GOLGA7: variants seen among roughly 807,000 people sequenced by gnomAD.
The protein encoded by GOLGA7 is golgin subfamily A member 7.
A neutral mutation model predicts 21.1 loss-of-function variants in GOLGA7; 10 were observed. The ratio of observed to expected loss-of-function variants is 0.47; its 90% CI spans 0.29 to 0.80. GOLGA7 has a LOEUF of 0.80. Ranked by LOEUF, GOLGA7 falls within the 30% of genes least tolerant of loss-of-function variation. The pLI is 0.08. For missense variants in GOLGA7, 114 were observed against 166.8 expected (o/e 0.68, Z 1.74); for synonymous variants, 64 against 62.6 (o/e 1.02, Z -0.10).
intron 4 of GOLGA7, among the ~76,000 whole-genome samples, chr8:41,508,581 A>G (rs942450469): frequency 1.3e-5 from 2 of 152,174 alleles, no homozygotes; most frequent in African/African-American, 4.8e-5. Flanking sequence ...AGCTGCGATG[A>G]CTTGGCACAG....
intron 1 of GOLGA7, among the ~76,000 whole-genome samples, chr8:41,492,245 G>A (rs991430549): frequency 6.6e-6 from 1 of 152,220 alleles, no homozygotes; most frequent in Non-Finnish European, 1.5e-5. Context: ...GTGACAATAG[G>A]TGGAACTATC....
chr8:41,507,240 C>T, intron 4 of GOLGA7, 119 bp downstream of exon 4: 1 of 647,396 alleles, frequency 1.5e-6, no homozygotes, highest in South Asian at 1.7e-5. Flanking sequence ...AGTATATTTG[C>T]TGTGTTAGCT....
At chr8:41,504,120 T>TAAAAAAAAA (rs58682911) in intron 2 of GOLGA7, among the ~76,000 whole-genome samples, 48 of 120,748 alleles carry the variant, frequency 4.0e-4, no homozygotes, top group African/African-American at 7.0e-4. Context: ...TAGAGTATAA[T>TAAAAAAAAA]AAAAAAAAAA....
At chr8:41,501,211 ATC>A (rs1298360029) in intron 2 of GOLGA7, among the ~76,000 whole-genome samples, 1 of 152,202 alleles carries the variant, frequency 6.6e-6, no homozygotes, top group Admixed American at 6.5e-5. Context: ...GGACAAATTA[ATC>A]TCTCTGAATT....
chr8:41,506,930 A>C, intron 3 of GOLGA7, 129 bp from the exon 4 acceptor site: 1 of 686,456 alleles, frequency 1.5e-6, no homozygotes, highest in South Asian at 1.7e-5. Flanking sequence ...TTAAGTAGGA[A>C]AAATGTTTAA....
At chr8:41,495,242 A>C (rs1355301060) in intron 1 of GOLGA7, among the ~76,000 whole-genome samples, 1 of 147,478 alleles carries the variant, frequency 6.8e-6, no homozygotes, top group Non-Finnish European at 1.5e-5. Context: ...CATTCTTGGG[A>C]ATAGTGAATA....
At chr8:41,505,830 C>T (rs1806272402) in intron 2 of GOLGA7, 81 bp from the exon 3 acceptor site, 4 of 677,720 alleles carry the variant, frequency 5.9e-6, no homozygotes, top group Non-Finnish European at 1.0e-5. Flanking sequence ...CGAATTCCCA[C>T]TGCCTATTTT....
At chr8:41,508,674 A>G (rs1361454765) in intron 4 of GOLGA7, among the ~76,000 whole-genome samples, 1 of 152,260 alleles carries the variant, frequency 6.6e-6, no homozygotes, top group African/African-American at 2.4e-5. Context: ...TACACACCAG[A>G]GGCTAATCTA....
chr8:41,509,995 TG>T lies in GOLGA7; in HGVS notation c.*428del, dbSNP rs1239415271. 6.6e-6 allele frequency: 1 copy of T among 152,608 alleles called. No homozygotes were observed. The highest frequency in any genetic ancestry group is 1.5e-5 in the Non-Finnish European group (1 of 68,040). 9.5% of individuals were successfully genotyped at this position (152,608 alleles called of 1,614,324 possible). On this transcript the variant is annotated 3_prime_UTR_variant, in exon 5 of 5. Transcript: ENST00000357743. ...CCGTATCTTCACCAGTGTTCTATCTTGTTCCCCTAAATTAATAAAATGTTTT... is the reference window on the plus strand; with the variant it reads ...CCGTATCTTCACCAGTGTTCTATCTTTTCCCCTAAATTAATAAAATGTTTT...
At chr8:41,499,131 TC>T (rs1806089077) in intron 2 of GOLGA7, among the ~76,000 whole-genome samples, 1 of 152,148 alleles carries the variant, frequency 6.6e-6, no homozygotes, top group Admixed American at 6.5e-5. Flanking sequence ...AGTTCTCTTG[TC>T]CCCCTCGCAG....
chr8:41,508,556 T>A (rs1167000631), intron 4 of GOLGA7, among the ~76,000 whole-genome samples: 1 of 152,240 alleles, frequency 6.6e-6, no homozygotes, highest in African/African-American at 2.4e-5. Context: ...ATGCCATGGT[T>A]TGTATATCAG....
At chr8:41,502,503 T>TA (rs539664538) in intron 2 of GOLGA7, 27 of 152,346 alleles carry the variant, frequency 1.8e-4, no homozygotes, top group African/African-American at 6.0e-4. Context: ...ACTTCAGTGT[T>TA]ATTTCTCTAT....
chr8:41,496,901 G>A (rs915502036), intron 1 of GOLGA7, among the ~76,000 whole-genome samples: 5 of 131,372 alleles, frequency 3.8e-5, no homozygotes, highest in South Asian at 2.5e-4. Context: ...TCCACCTCCC[G>A]GGTTCACGCC....
intron 1 of GOLGA7, among the ~76,000 whole-genome samples, chr8:41,491,946 G>T (rs1401173682): frequency 6.6e-6 from 1 of 152,160 alleles, no homozygotes; most frequent in Non-Finnish European, 1.5e-5. Flanking sequence ...GCTGGTCATG[G>T]GATAAGTGGG....
At chr8:41,493,586 C>G (rs1055412622) in intron 1 of GOLGA7, among the ~76,000 whole-genome samples, 4 of 152,098 alleles carry the variant, frequency 2.6e-5, no homozygotes, top group African/African-American at 7.2e-5. Flanking sequence ...CTTAGTTACC[C>G]TTGGTCTGGG....
At chr8:41,497,722 C>T (rs1338037577) in intron 2 of GOLGA7, 61 bp downstream of exon 2, 1 of 806,500 alleles carries the variant, frequency 1.2e-6, no homozygotes, top group Non-Finnish European at 2.1e-6. Context: ...AAGTTTATTA[C>T]ACATTGATGC....
At chr8:41,500,764 G>A (rs1806131003) in intron 2 of GOLGA7, among the ~76,000 whole-genome samples, 1 of 152,096 alleles carries the variant, frequency 6.6e-6, no homozygotes, top group South Asian at 2.1e-4. Flanking sequence ...TTTGCTTTGT[G>A]GAAAAAAGGC....
In GOLGA7 at chr8:41,490,882, G is replaced by A. The variant is rs775434447; in HGVS notation, c.28G>A (p.Gly10Arg). The A allele has an allele frequency of 6.2e-7, 1 of 1,601,336 alleles. No homozygotes were observed. The highest frequency in any genetic ancestry group is 1.7e-5 in the Admixed American group (1 of 58,570). ...GAGGCCGCAGCAGGCGCCGGTGTCC[G>A]GAAAGGTGTTCATTCAGCGAGACTA... MRPQQAPVS[G>R]KVFIQRDYSS... The change falls in exon 1 of 5, where the codon GGA becomes AGA. Residue 10 changes from glycine to arginine, a missense_variant. By Grantham distance (125) the Gly-to-Arg change is moderately radical (BLOSUM62 -2). Transcript: ENST00000357743.
chr8:41,499,641 A>G (rs1308912694), intron 2 of GOLGA7, among the ~76,000 whole-genome samples: 1 of 152,110 alleles, frequency 6.6e-6, no homozygotes, highest in Non-Finnish European at 1.5e-5. Flanking sequence ...TCCTCTTGAC[A>G]TCCAGCCACC....
Sources: allele counts gnomAD v4.1 joint callset (sites outside exome capture counted in the v4.1 genomes callset), GRCh38; gene constraint gnomAD v4.1.1; transcripts MANE v1.5; gene names NCBI Gene and HGNC (gene_info 2026-07-23, HGNC 2026-07-21).